The following MAGI2 variants were observed in gnomAD, a reference collection of about 807,000 sequenced individuals.
The protein encoded by MAGI2 is membrane associated guanylate kinase, WW and PDZ domain containing 2.
A neutral mutation model predicts 133.3 loss-of-function variants in MAGI2; 35 were observed. The ratio of observed to expected loss-of-function variants is 0.26; its 90% CI spans 0.20 to 0.35. The LOEUF is 0.35. Among genes scored for constraint, MAGI2 ranks in the 10% least tolerant of loss-of-function variants. The pLI, the probability that MAGI2 is intolerant of heterozygous loss-of-function variation, is 1.00. For missense variants in MAGI2, 1,636 were observed against 1,863.4 expected, an observed-to-expected ratio of 0.88 and a Z score of 2.25; for synonymous variants, 729 against 710.6, an observed-to-expected ratio of 1.03 and a Z score of -0.41.
intron 15 of MAGI2, 121 bp from the exon 16 acceptor site, chr7:78,160,394 C>A: frequency 9.4e-7 from 1 of 1,067,220 alleles, no homozygotes; most frequent in South Asian, 2.9e-5. Context: ...AACTGCTTCT[C>A]TTTCTCCCAG....
At chr7:78,183,852 C>A (rs192913294) in intron 13 of MAGI2, among the ~76,000 whole-genome samples, 2 of 152,332 alleles carry the variant, frequency 1.3e-5, no homozygotes, top group Admixed American at 1.3e-4. Context: ...TAGGCATGAG[C>A]CACAGCGCCA....
chr7:78,573,343 TATAG>T (rs1801896841), intron 3 of MAGI2, among the ~76,000 whole-genome samples: 1 of 69,098 alleles, frequency 1.4e-5, no homozygotes, highest in Non-Finnish European at 2.4e-5. Context: ...AATATATATA[TATAG>T]AGAGAGAGAA....
chr7:78,081,513 G>A (rs1815971095), intron 20 of MAGI2, among the ~76,000 whole-genome samples: 1 of 152,162 alleles, frequency 6.6e-6, no homozygotes, highest in African/African-American at 2.4e-5. Flanking sequence ...TGGGTAGTCA[G>A]GGAGAGCTGC....
intron 3 of MAGI2, among the ~76,000 whole-genome samples, chr7:78,525,228 A>G (rs978689292): frequency 3.3e-5 from 5 of 152,170 alleles, no homozygotes; most frequent in Admixed American, 2.0e-4. Context: ...TATTGGCAAT[A>G]ATAGCAATAT....
chr7:79,178,394 G>A (rs918499450), intron 1 of MAGI2, among the ~76,000 whole-genome samples: 11 of 151,858 alleles, frequency 7.2e-5, no homozygotes, highest in African/African-American at 2.7e-4. Flanking sequence ...TGAAAGAGTG[G>A]AAAATAGGTT....
chr7:79,016,555 G>A (rs892123411), intron 1 of MAGI2, among the ~76,000 whole-genome samples: 3 of 152,086 alleles, frequency 2.0e-5, no homozygotes, highest in Non-Finnish European at 4.4e-5. Context: ...GAGTTGCTTT[G>A]CTGGCACGCA....
chr7:79,132,244 CCT>C (rs1821001697), intron 1 of MAGI2, among the ~76,000 whole-genome samples: 1 of 152,024 alleles, frequency 6.6e-6, no homozygotes, highest in Non-Finnish European at 1.5e-5. Context: ...GTACCCTTCA[CCT>C]AAGTAGTATA....
chr7:78,119,418 G>A (rs1270662667), intron 20 of MAGI2, among the ~76,000 whole-genome samples: 2 of 151,804 alleles, frequency 1.3e-5, no homozygotes, highest in Admixed American at 6.6e-5. Context: ...AAAATTAGCC[G>A]GGCATGGTGG....
chr7:79,005,368 G>C (rs1807329319), intron 2 of MAGI2, among the ~76,000 whole-genome samples: 1 of 151,996 alleles, frequency 6.6e-6, no homozygotes, highest in Non-Finnish European at 1.5e-5. Flanking sequence ...TTATGACCTT[G>C]TACTGAAATT....
At chr7:78,351,193 C>T (rs758710) in intron 7 of MAGI2, among the ~76,000 whole-genome samples, 86,977 of 151,842 alleles carry the variant, frequency 0.57, 25,777 homozygotes, top group Middle Eastern at 0.66. Context: ...CACTGTTTTC[C>T]AGCTTCACTC....
At chr7:78,455,828 A>G (rs1373835622) in intron 6 of MAGI2, among the ~76,000 whole-genome samples, 5 of 152,036 alleles carry the variant, frequency 3.3e-5, no homozygotes, top group Non-Finnish European at 7.4e-5. Context: ...TTTTCTTTCA[A>G]AGGTTGACAC....
chr7:78,036,209 G>A (rs1414632057), intron 21 of MAGI2, among the ~76,000 whole-genome samples: 1 of 152,166 alleles, frequency 6.6e-6, no homozygotes, highest in Non-Finnish European at 1.5e-5. Context: ...GAAATCTAGA[G>A]TGAGGCAGTG....
intron 1 of MAGI2, among the ~76,000 whole-genome samples, chr7:79,285,163 T>C (rs1835910897): frequency 1.3e-5 from 2 of 152,010 alleles, no homozygotes; most frequent in Admixed American, 6.6e-5. Flanking sequence ...AGTTACAATT[T>C]TTACAAGGTG....
chr7:78,720,843 T>A lies in MAGI2; in HGVS notation c.419-93604A>T, dbSNP rs576968122. On this transcript the variant is annotated intron_variant, in intron 2 of 21. Coordinates refer to ENST00000354212, the MANE Select transcript of MAGI2 (RefSeq NM_012301.4). ...AAAGATCAAATAGACAACCCTTGGA[T>A]CTAACCTGTGGTTCCACAAAGGATA... Among the ~76,000 whole-genome samples the A allele has an allele frequency of 6.6e-5, 10 of 152,242 alleles. No homozygotes were observed. In the East Asian group the frequency reaches 1.9e-3, roughly 29 times the overall value.
intron 1 of MAGI2, among the ~76,000 whole-genome samples, chr7:79,440,571 C>G (rs75676300): frequency 2.0e-5 from 3 of 151,946 alleles, no homozygotes; most frequent in Non-Finnish European, 4.4e-5. Flanking sequence ...AAGATTACTC[C>G]TTATCTTGGT....
At chr7:78,081,447 C>T (rs111546128) in intron 20 of MAGI2, among the ~76,000 whole-genome samples, 1 of 152,126 alleles carries the variant, frequency 6.6e-6, no homozygotes, top group African/African-American at 2.4e-5. Flanking sequence ...CAGAGGCATT[C>T]ACAAAGTACT....
At chr7:79,263,006 T>A (rs1225656732) in intron 1 of MAGI2, among the ~76,000 whole-genome samples, 2 of 152,210 alleles carry the variant, frequency 1.3e-5, no homozygotes, top group Non-Finnish European at 2.9e-5. Flanking sequence ...CAAATGTTGT[T>A]GTGCTTGGCT....
At chr7:78,125,024 T>C (rs11771314) in intron 20 of MAGI2, among the ~76,000 whole-genome samples, 17,838 of 151,950 alleles carry the variant, frequency 0.12, 1,380 homozygotes, top group Non-Finnish European at 0.18. Flanking sequence ...CCACCACGCC[T>C]GGCTAATTTT....
intron 6 of MAGI2, among the ~76,000 whole-genome samples, chr7:78,470,360 A>G (rs1404381632): frequency 6.6e-6 from 1 of 152,168 alleles, no homozygotes; most frequent in African/African-American, 2.4e-5. Flanking sequence ...TAAAATGAAA[A>G]TAACAGGAAA....
Sources: allele counts gnomAD v4.1 joint callset (sites outside exome capture counted in the v4.1 genomes callset), GRCh38; gene constraint gnomAD v4.1.1; transcripts MANE v1.5; gene names NCBI Gene and HGNC (gene_info 2026-07-23, HGNC 2026-07-21).